Variants in CMKLR1 observed in about 807,000 individuals in gnomAD.
CMKLR1 encodes chemerin chemokine-like receptor 1.
In CMKLR1, 6 loss-of-function variants were observed where a neutral mutation model predicts 8.2. The ratio of observed to expected loss-of-function variants is 0.73; its 90% CI spans 0.40 to 1.44. The LOEUF is 1.44. CMKLR1 is among the 40% of genes most tolerant of loss of function. CMKLR1 has a pLI of 0.02. For synonymous variants in CMKLR1, 178 were observed against 181.2 expected (o/e 0.98, Z 0.14); for missense variants, 429 against 478.0 (o/e 0.90, Z 0.96).
intron 2 of CMKLR1, among the ~76,000 whole-genome samples, chr12:108,295,736 G>A (rs1473829661): frequency 6.6e-6 from 1 of 152,264 alleles, no homozygotes; most frequent in Non-Finnish European, 1.5e-5. Flanking sequence ...ATTGACAGTG[G>A]GCTGGGTGTG....
rs1028904499 is a variant in CMKLR1, at chr12:108,328,133, G to A, written c.-74+1862C>T. Among the ~76,000 whole-genome samples the A allele has an allele frequency of 2.6e-5, 4 of 152,030 alleles. No individual in the cohort carries two copies. In the South Asian group the frequency reaches 8.4e-4, roughly 32 times the overall value. Reference sequence around the variant, plus strand: ...AAACAGTAAAAGAAAGGCCTGTTTAGGCCAGACAGGGCCAGCTTCCCCCGG... The same window carrying A: ...AAACAGTAAAAGAAAGGCCTGTTTAAGCCAGACAGGGCCAGCTTCCCCCGG... On this transcript the variant is annotated intron_variant, in intron 2 of 3. Transcript: ENST00000550402.
intron 2 of CMKLR1, among the ~76,000 whole-genome samples, chr12:108,322,448 G>A (rs1009178471): frequency 6.6e-6 from 1 of 152,156 alleles, no homozygotes; most frequent in African/African-American, 2.4e-5. Context: ...TTCTCCAGCT[G>A]TATCGTGTGA....
chr12:108,307,813 G>A (rs1288984677), intron 2 of CMKLR1, among the ~76,000 whole-genome samples: 1 of 152,234 alleles, frequency 6.6e-6, no homozygotes, highest in Non-Finnish European at 1.5e-5. Flanking sequence ...TCCTGGCTGG[G>A]TGACCTGGAT....
At chr12:108,302,897 C>T (rs563444911) in intron 2 of CMKLR1, among the ~76,000 whole-genome samples, 8 of 152,152 alleles carry the variant, frequency 5.3e-5, no homozygotes, top group African/African-American at 1.9e-4. Context: ...AATACAAGCG[C>T]AGGGACTTCT....
intron 1 of CMKLR1, among the ~76,000 whole-genome samples, chr12:108,335,092 T>C (rs887486134): frequency 6.6e-6 from 1 of 152,134 alleles, no homozygotes; most frequent in Non-Finnish European, 1.5e-5. Flanking sequence ...GATTGACTAA[T>C]GGAAATGTAG....
At chr12:108,310,811 C>T (rs1486987826) in intron 2 of CMKLR1, among the ~76,000 whole-genome samples, 1 of 152,276 alleles carries the variant, frequency 6.6e-6, no homozygotes, top group East Asian at 1.9e-4. Flanking sequence ...ATCCCCGGGC[C>T]TCATGGACCC....
At position 108,291,187 on chromosome 12, in the gene CMKLR1, G is replaced by A. The variant is rs117232552; in HGVS notation, c.*654C>T. The A allele has an allele frequency of 3.9e-3, 592 of 152,510 alleles. 4 individuals are homozygous for A. Among genetic ancestry groups the A allele is most frequent in the South Asian group, 7.7e-3 (37 of 4,818 alleles). 9.4% of individuals were successfully genotyped at this position (152,510 alleles called of 1,614,324 possible). On this transcript the variant is annotated 3_prime_UTR_variant, in exon 4 of 4. Transcript: ENST00000550402. The stretch of plus-strand genomic sequence containing the variant: ...TTTCTTTGCCAAATCTCAAGTCCTC[G>A]TTGCATCCCTCACTTGTCTTGCCCT...
intron 2 of CMKLR1, among the ~76,000 whole-genome samples, chr12:108,319,908 A>G (rs1891819050): frequency 6.6e-6 from 1 of 152,166 alleles, no homozygotes; most frequent in Non-Finnish European, 1.5e-5. Context: ...CTGAGCACAT[A>G]TTACCTGCCA....
intron 2 of CMKLR1, among the ~76,000 whole-genome samples, chr12:108,301,200 C>A (rs1024686602): frequency 3.3e-5 from 5 of 151,572 alleles, no homozygotes; most frequent in African/African-American, 9.7e-5. Context: ...CTCAGCCTCC[C>A]GAGTAGCTGG....
chr12:108,296,137 A>C (rs1593158278), intron 2 of CMKLR1, among the ~76,000 whole-genome samples: 1 of 152,170 alleles, frequency 6.6e-6, no homozygotes, highest in Non-Finnish European at 1.5e-5. Flanking sequence ...TCCTGAGCAC[A>C]TTTCTGCTAC....
At chr12:108,317,824 G>A (rs1029604851) in intron 2 of CMKLR1, 1 of 152,134 alleles carries the variant, frequency 6.6e-6, no homozygotes, top group South Asian at 2.1e-4. Flanking sequence ...GAAAAATCTT[G>A]CTCCTACCTG....
intron 2 of CMKLR1, among the ~76,000 whole-genome samples, chr12:108,298,237 G>C (rs937122313): frequency 6.6e-6 from 1 of 152,128 alleles, no homozygotes; most frequent in African/African-American, 2.4e-5. Flanking sequence ...ACTTTATATT[G>C]GTTTTACTTC....
chr12:108,301,163 C>A (rs947750165), intron 2 of CMKLR1, among the ~76,000 whole-genome samples: 2 of 150,674 alleles, frequency 1.3e-5, no homozygotes, highest in African/African-American at 2.5e-5. Context: ...GCAGCCTCTG[C>A]CTCTCGGGTT....
At chr12:108,337,461 G>A (rs1320106372) in intron 1 of CMKLR1, among the ~76,000 whole-genome samples, 4 of 152,078 alleles carry the variant, frequency 2.6e-5, no homozygotes, top group Non-Finnish European at 5.9e-5. Flanking sequence ...TGAGGATGCA[G>A]AAAAAAAGTA....
chr12:108,301,417 C>T (rs555766869), intron 2 of CMKLR1, among the ~76,000 whole-genome samples: 103 of 152,208 alleles, frequency 6.8e-4, no homozygotes, highest in African/African-American at 2.3e-3. Flanking sequence ...TTCTGATTCT[C>T]ACTCTGTCTA....
intron 2 of CMKLR1, among the ~76,000 whole-genome samples, chr12:108,308,261 C>T (rs1023871633): frequency 3.3e-5 from 5 of 152,340 alleles, no homozygotes; most frequent in African/African-American, 1.2e-4. Flanking sequence ...TGGTGAGGTG[C>T]TTGTCACCAC....
intron 2 of CMKLR1, among the ~76,000 whole-genome samples, chr12:108,303,110 A>G (rs977372746): frequency 6.6e-6 from 1 of 152,232 alleles, no homozygotes; most frequent in African/African-American, 2.4e-5. Context: ...GGGGCCAAAC[A>G]TGCAGCCCTC....
At chr12:108,336,151 A>G (rs994640762) in intron 1 of CMKLR1, among the ~76,000 whole-genome samples, 2 of 152,190 alleles carry the variant, frequency 1.3e-5, no homozygotes, top group South Asian at 4.1e-4. Flanking sequence ...GGTAGTTCTC[A>G]AGTTTTGGGG....
intron 2 of CMKLR1, among the ~76,000 whole-genome samples, chr12:108,327,205 C>T (rs939389157): frequency 7.2e-5 from 11 of 152,226 alleles, no homozygotes; most frequent in African/African-American, 1.9e-4. Context: ...AGGCCAGGCA[C>T]GGTGGCTCAT....
Sources: allele counts gnomAD v4.1 joint callset (sites outside exome capture counted in the v4.1 genomes callset), GRCh38; gene constraint gnomAD v4.1.1; transcripts MANE v1.5; gene names NCBI Gene and HGNC (gene_info 2026-07-23, HGNC 2026-07-21).